The following PLCH1 variants were observed in gnomAD, a reference collection of about 807,000 sequenced individuals.
PLCH1 encodes 1-phosphatidylinositol 4,5-bisphosphate phosphodiesterase eta-1.
PLCH1 carries 60 observed loss-of-function variants against 126.7 expected under a neutral mutation model. The observed-to-expected ratio is 0.47, with a 90% CI of 0.38 to 0.59. The LOEUF (loss-of-function observed/expected upper bound fraction) is 0.59. Ranked by LOEUF, PLCH1 falls within the 20% of genes least tolerant of loss-of-function variation. The probability of loss-of-function intolerance (pLI) is 0.00; values close to 1 mark genes in which losing one functional copy is unlikely to be tolerated. For synonymous variants in PLCH1, 719 were observed against 734.9 expected (o/e 0.98, Z 0.35); for missense variants, 1,723 against 2,040.0 (o/e 0.84, Z 2.99).
At chr3:155,735,315 A>C (rs1038560350) in intron 1 of PLCH1, among the ~76,000 whole-genome samples, 1 of 152,272 alleles carries the variant, frequency 6.6e-6, no homozygotes, top group African/African-American at 2.4e-5. Flanking sequence ...GACTATCATT[A>C]ATAACAATGT....
chr3:155,573,047 C>A (rs2108549345), intron 6 of PLCH1, among the ~76,000 whole-genome samples: 1 of 152,316 alleles, frequency 6.6e-6, no homozygotes, highest in Non-Finnish European at 1.5e-5. Context: ...TGTGCCCAAT[C>A]TGTCATAGCA....
At chr3:155,624,764 C>A (rs1202710709) in intron 2 of PLCH1, among the ~76,000 whole-genome samples, 1 of 152,168 alleles carries the variant, frequency 6.6e-6, no homozygotes, top group African/African-American at 2.4e-5. Flanking sequence ...AATGGAAAAA[C>A]ATTCCATGCT....
intron 1 of PLCH1, among the ~76,000 whole-genome samples, chr3:155,726,936 G>T (rs1577374862): frequency 6.8e-6 from 1 of 146,052 alleles, no homozygotes. Flanking sequence ...TGGCCAGGAT[G>T]GTCTCGAACT....
intron 1 of PLCH1, among the ~76,000 whole-genome samples, chr3:155,718,793 T>C (rs908463285): frequency 1.3e-5 from 2 of 152,172 alleles, no homozygotes; most frequent in African/African-American, 4.8e-5. Flanking sequence ...AATTCAACAT[T>C]ATATTTGGCA....
intron 2 of PLCH1, among the ~76,000 whole-genome samples, chr3:155,667,484 G>A (rs1434351617): frequency 6.6e-6 from 1 of 152,054 alleles, no homozygotes; most frequent in Non-Finnish European, 1.5e-5. Context: ...TGTCAGAAAA[G>A]TCAGGAATAA....
intron 2 of PLCH1, among the ~76,000 whole-genome samples, chr3:155,698,040 G>A (rs960943327): frequency 5.3e-5 from 8 of 152,248 alleles, no homozygotes; most frequent in Non-Finnish European, 7.3e-5. Context: ...CCAGGCCAGC[G>A]GGTAAGAGGG....
intron 2 of PLCH1, among the ~76,000 whole-genome samples, chr3:155,699,079 T>A (rs1746065812): frequency 6.6e-6 from 1 of 151,402 alleles, no homozygotes; most frequent in Admixed American, 6.6e-5. Flanking sequence ...TTTAATCTTT[T>A]ATCTTTTTTT....
downstream of PLCH1, among the ~76,000 whole-genome samples, chr3:155,475,076 A>T (rs77281830): frequency 7.4e-6 from 1 of 135,866 alleles, no homozygotes; most frequent in Non-Finnish European, 1.6e-5. Context: ...TTAAAGTATT[A>T]AAAAAAAAAA....
chr3:155,744,421 C>A (rs1339006302), intron 1 of PLCH1, among the ~76,000 whole-genome samples: 1 of 152,200 alleles, frequency 6.6e-6, no homozygotes, highest in Non-Finnish European at 1.5e-5. Context: ...CTGCACTCCC[C>A]TTGCTGGGAA....
chr3:155,497,343 G>T lies in PLCH1; in HGVS notation c.1871C>A (p.Ala624Asp), dbSNP rs752809887. 1.2e-6 allele frequency: 2 copies of T among 1,612,182 alleles called. No individual in the cohort carries two copies. The highest frequency in any genetic ancestry group is 1.7e-6 in the Non-Finnish European group (2 of 1,178,234). The change falls in exon 15 of 23, where the codon GCC becomes GAC. Residue 624 changes from alanine (A) to aspartate (D), a missense_variant. By Grantham distance (126) the Ala-to-Asp change is moderately radical. Coordinates refer to ENST00000460012, the MANE Select transcript of PLCH1 (RefSeq NM_014996.4). ...SDLVVYTNSV[A>D]AQDIVDDGTT... ...ACCGTCATCCACAATGTCCTGAGCG[G>T]CCACGGAGTTTGTGTACACAACCAA...
At chr3:155,679,926 C>G (rs1355197720) in intron 2 of PLCH1, among the ~76,000 whole-genome samples, 1 of 152,156 alleles carries the variant, frequency 6.6e-6, no homozygotes, top group Non-Finnish European at 1.5e-5. Flanking sequence ...GCCCTTTCCC[C>G]TGGCTCTGTG....
intron 12 of PLCH1, among the ~76,000 whole-genome samples, chr3:155,506,373 T>C (rs111327710): frequency 0.15 from 22,018 of 148,952 alleles, 2,118 homozygotes; most frequent in African/African-American, 0.27. Flanking sequence ...TTATTATACT[T>C]TAAGTTTTAG....
intron 10 of PLCH1, among the ~76,000 whole-genome samples, chr3:155,542,523 G>C (rs996476268): frequency 6.6e-6 from 1 of 152,136 alleles, no homozygotes; most frequent in Non-Finnish European, 1.5e-5. Flanking sequence ...TGACAGCTTT[G>C]AAGAGAGCAG....
In PLCH1 at chr3:155,626,683, G is replaced by A. The variant is rs564205049; in HGVS notation, c.80-30305C>T. On this transcript the variant is annotated intron_variant, in intron 2 of 22. Transcript: ENST00000460012. ...ACTCAGGAGGCTGAAGCAGGAGAAT[G>A]GCATGAACCCGGGAGGCAGAGCTTG... Among the ~76,000 whole-genome samples, 3 of 148,866 alleles carry A rather than the reference G, an allele frequency of 2.0e-5. No homozygotes were observed. The South Asian group carries it at 6.4e-4, about 32-fold the overall frequency.
chr3:155,492,989 A>T, intron 17 of PLCH1, 136 bp from the exon 18 acceptor site: 1 of 751,160 alleles, frequency 1.3e-6, no homozygotes, highest in Non-Finnish European at 1.9e-6. Flanking sequence ...AGTGTGGCAT[A>T]GCTGTGGTTT....
chr3:155,676,181 A>T (rs1744068884), intron 2 of PLCH1: 5 of 1,326,898 alleles, frequency 3.8e-6, no homozygotes, highest in Non-Finnish European at 4.8e-6. Context: ...AACTTGGCTC[A>T]TGCTGCCCTT....
At chr3:155,673,047 C>CTT in intron 2 of PLCH1, among the ~76,000 whole-genome samples, 2 of 103,838 alleles carry the variant, frequency 1.9e-5, no homozygotes, top group African/African-American at 4.5e-5. Flanking sequence ...CCTTCTGTTG[C>CTT]CTTTTTTTTT....
intron 1 of PLCH1, among the ~76,000 whole-genome samples, chr3:155,728,693 T>G (rs1748526569): frequency 6.6e-6 from 1 of 152,166 alleles, no homozygotes; most frequent in African/African-American, 2.4e-5. Flanking sequence ...GATCCAGACT[T>G]CCTAACCTCA....
chr3:155,480,458 A>G lies in PLCH1; in HGVS notation c.*510T>C, dbSNP rs574056341. 22 of 154,162 alleles carry G rather than the reference A, an allele frequency of 1.4e-4. No individual in the cohort carries two copies. The highest frequency in any genetic ancestry group is 2.3e-4 in the Non-Finnish European group (16 of 69,034). The allele number at this position is 154,162 out of a possible 1,614,324, so 9.5% of individuals were successfully genotyped here. ...ATAAGAACATCCTAAAAGGCAAGGT[A>G]ACTATTTTAAAGTTTTTAAAACTGA... On this transcript the variant is annotated 3_prime_UTR_variant, in exon 23 of 23. Transcript: ENST00000460012.
Sources: gnomAD v4.1 joint callset for allele counts (sites outside exome capture counted in the v4.1 genomes callset) on GRCh38, gnomAD v4.1.1 for gene constraint, MANE v1.5 for transcripts, NCBI Gene and HGNC (gene_info 2026-07-23, HGNC 2026-07-21) for gene names.